Variants in PPARG observed in about 807,000 individuals in gnomAD.
The protein encoded by PPARG is peroxisome proliferator activated receptor gamma.
A neutral mutation model predicts 39.2 loss-of-function variants in PPARG; 17 were observed. The ratio of observed to expected loss-of-function variants is 0.43; its 90% CI spans 0.30 to 0.65. PPARG has a LOEUF of 0.65. PPARG is among the 30% of genes least tolerant of loss of function. The pLI, the probability that PPARG is intolerant of heterozygous loss-of-function variation, is 0.13. For synonymous variants in PPARG, 223 were observed against 215.7 expected (o/e 1.03, Z -0.30); for missense variants, 406 against 585.9 (o/e 0.69, Z 3.17).
intron 5 of PPARG, among the ~76,000 whole-genome samples, chr3:12,397,388 TTA>T (rs2050304641): frequency 1.0e-5 from 1 of 97,672 alleles, no homozygotes; most frequent in African/African-American, 4.5e-5. Flanking sequence ...TTTATTATTA[TTA>T]TTATTATTAT....
intron 7 of PPARG, among the ~76,000 whole-genome samples, chr3:12,432,992 GAAGAACTAGTGAA>G (rs1162396865): frequency 6.6e-6 from 1 of 152,146 alleles, no homozygotes; most frequent in African/African-American, 2.4e-5. Context: ...AAAATCTAAA[GAAGAACTAGTGAA>G]AATTGCTTGC....
intron 2 of PPARG, among the ~76,000 whole-genome samples, chr3:12,316,603 G>A (rs901769119): frequency 5.9e-5 from 9 of 151,646 alleles, no homozygotes; most frequent in African/African-American, 1.9e-4. Context: ...ATTTTATACA[G>A]TTTTAAAAAC....
intron 2 of PPARG, among the ~76,000 whole-genome samples, chr3:12,330,302 T>TAAA (rs67976990): frequency 0.085 from 10,283 of 120,864 alleles, 517 homozygotes; most frequent in Admixed American, 0.15. Context: ...CACCTTTTTT[T>TAAA]AAAAAAAAAA....
chr3:12,369,818 G>A (rs2049145209), intron 2 of PPARG, among the ~76,000 whole-genome samples: 1 of 152,236 alleles, frequency 6.6e-6, no homozygotes, highest in Middle Eastern at 3.4e-3. Flanking sequence ...TCATTTTGTT[G>A]TCATTTCTTG....
rs751871408 is a variant in PPARG at position 12,381,357 on chromosome 3, T to G, written c.256T>G (p.Tyr86Asp). ...IKVEPASPPYYSEKTQLYNKP... is the reference protein window; with the variant it reads ...IKVEPASPPYDSEKTQLYNKP... ...AGTGGAGCCTGCATCTCCACCTTAT[T>G]ATTCTGAGAAGACTCAGCTCTACAA... The change falls in exon 4 of 8, where the codon TAT (tyrosine) becomes GAT (aspartate). Residue 86 changes from tyrosine to aspartate, a missense_variant. Transcript: ENST00000651735. 6.2e-7 allele frequency: 1 copy of G among 1,613,432 alleles called. No homozygotes were observed. The highest frequency in any genetic ancestry group is 1.1e-5 in the South Asian group (1 of 91,020).
rs2048481248 is a variant in PPARG at position 12,351,371 on chromosome 3, T to C, written c.-8-28333T>C. ...CAGTGAACATTATGACACAACTTTT[T>C]GTCACAGCTGGCTCCTAATAGGACA... On this transcript the variant is annotated intron_variant, in intron 2 of 7. Coordinates refer to ENST00000651735, the MANE Select transcript of PPARG (RefSeq NM_138711.6). The C allele has an allele frequency of 6.8e-6, 4 of 588,776 alleles. No individual in the cohort carries two copies. The Admixed American group carries it at 1.2e-4, about 17-fold the overall frequency. 36.5% of individuals were successfully genotyped at this position (588,776 alleles called of 1,614,324 possible). A position where few individuals can be genotyped will look rare whatever the true frequency, so the allele number is the denominator to read the frequency against.
chr3:12,374,505 A>C (rs1322115533), intron 2 of PPARG, among the ~76,000 whole-genome samples: 2 of 152,172 alleles, frequency 1.3e-5, no homozygotes, highest in African/African-American at 4.8e-5. Context: ...AGGCTGGGGC[A>C]GGAGAATCAT....
chr3:12,357,273 T>G (rs1173721179), intron 2 of PPARG, among the ~76,000 whole-genome samples: 1 of 152,038 alleles, frequency 6.6e-6, no homozygotes, highest in Non-Finnish European at 1.5e-5. Flanking sequence ...AGCTGACCCC[T>G]CTGGTCTTCT....
intron 7 of PPARG, among the ~76,000 whole-genome samples, chr3:12,422,670 A>G (rs1410813853): frequency 2.0e-5 from 3 of 152,176 alleles, no homozygotes; most frequent in Non-Finnish European, 4.4e-5. Flanking sequence ...CCTTGAGCCC[A>G]GAAGTTTGAG....
chr3:12,404,063 A>G (rs150274643), intron 5 of PPARG, among the ~76,000 whole-genome samples: 169 of 152,310 alleles, frequency 1.1e-3, no homozygotes, highest in South Asian at 2.1e-3. Flanking sequence ...AGATAAAAAT[A>G]TGAACAACCA....
intron 2 of PPARG, among the ~76,000 whole-genome samples, chr3:12,336,709 G>A (rs556850051): frequency 4.6e-5 from 7 of 152,082 alleles, no homozygotes; most frequent in African/African-American, 1.4e-4. Flanking sequence ...ACTGAATCAG[G>A]TCTCAGGAAC....
intron 2 of PPARG, chr3:12,327,936 A>G: frequency 1.5e-6 from 1 of 668,356 alleles, no homozygotes; most frequent in Non-Finnish European, 2.7e-6. Flanking sequence ...TTTTCTTTAC[A>G]AAATGTGTGT....
At chr3:12,364,184 C>G (rs1189170587) in intron 2 of PPARG, among the ~76,000 whole-genome samples, 1 of 152,200 alleles carries the variant, frequency 6.6e-6, no homozygotes, top group Non-Finnish European at 1.5e-5. Context: ...TTTCACTGAC[C>G]TAAAAATCCT....
At chr3:12,429,163 C>T (rs555920482) in intron 7 of PPARG, among the ~76,000 whole-genome samples, 72 of 152,162 alleles carry the variant, frequency 4.7e-4, no homozygotes, top group African/African-American at 1.7e-3. Flanking sequence ...ATACTTACTC[C>T]GTGGCCACAA....
chr3:12,289,434 C>A (rs192480295), intron 1 of PPARG, among the ~76,000 whole-genome samples: 63 of 152,164 alleles, frequency 4.1e-4, no homozygotes, highest in African/African-American at 1.5e-3. Flanking sequence ...GATATAAAAC[C>A]AGACAATGAT....
At chr3:12,325,837 A>G (rs1309885095) in intron 2 of PPARG, among the ~76,000 whole-genome samples, 1 of 152,168 alleles carries the variant, frequency 6.6e-6, no homozygotes, top group Non-Finnish European at 1.5e-5. Context: ...GAATTGACTG[A>G]CAGTGGAAAT....
At chr3:12,291,650 T>A (rs895620671) in intron 1 of PPARG, among the ~76,000 whole-genome samples, 1 of 152,204 alleles carries the variant, frequency 6.6e-6, no homozygotes, top group African/African-American at 2.4e-5. Flanking sequence ...GGGAAAACTT[T>A]TGTAGATGTT....
chr3:12,297,763 A>G (rs2046823658), intron 1 of PPARG: 1 of 152,110 alleles, frequency 6.6e-6, no homozygotes, highest in Admixed American at 6.5e-5. Flanking sequence ...GCTTTTAAAA[A>G]ATAGTTTCCA....
At chr3:12,398,198 A>G (rs767734154) in intron 5 of PPARG, among the ~76,000 whole-genome samples, 16 of 152,158 alleles carry the variant, frequency 1.1e-4, no homozygotes, top group Admixed American at 4.6e-4. Context: ...AGTAAAAATG[A>G]TAGAGAAAAG....
Sources: allele counts gnomAD v4.1 joint callset (sites outside exome capture counted in the v4.1 genomes callset), GRCh38; gene constraint gnomAD v4.1.1; transcripts MANE v1.5; gene names NCBI Gene and HGNC (gene_info 2026-07-23, HGNC 2026-07-21).